Variants in CLASP1 observed in about 807,000 individuals in gnomAD.
CLASP1 encodes CLIP-associating protein 1.
A neutral mutation model predicts 192.3 loss-of-function variants in CLASP1; 38 were observed. The observed-to-expected ratio is 0.20, with a 90% confidence interval of 0.15 to 0.26. The LOEUF is 0.26. CLASP1 is among the 10% of genes least tolerant of loss of function. The probability of loss-of-function intolerance (pLI) is 1.00; values close to 1 mark genes in which losing one functional copy is unlikely to be tolerated. For missense variants in CLASP1, 1,433 were observed against 1,932.5 expected, an observed-to-expected ratio of 0.74 and a Z score of 4.85; for synonymous variants, 691 against 712.8, an observed-to-expected ratio of 0.97 and a Z score of 0.49.
chr2:121,531,248 T>C (rs1306234541), intron 2 of CLASP1, among the ~76,000 whole-genome samples: 4 of 152,138 alleles, frequency 2.6e-5, no homozygotes, highest in Non-Finnish European at 5.9e-5. Context: ...CCCAGTAGTC[T>C]AGGTCAAGTT....
intron 8 of CLASP1, among the ~76,000 whole-genome samples, chr2:121,478,979 CA>C (rs1181353599): frequency 8.3e-5 from 6 of 72,598 alleles, no homozygotes; most frequent in African/African-American, 2.8e-4. Context: ...ACACCACACA[CA>C]CACCACACAC....
chr2:121,433,841 C>T (rs1285887432), intron 19 of CLASP1, among the ~76,000 whole-genome samples: 15 of 152,236 alleles, frequency 9.9e-5, no homozygotes, highest in Admixed American at 9.8e-4. Flanking sequence ...TGTAGGTACT[C>T]TGGTCATACT....
intron 8 of CLASP1, chr2:121,490,292 T>C: frequency 2.2e-6 from 1 of 455,196 alleles, no homozygotes; most frequent in South Asian, 1.6e-5. Context: ...TAGTCATGAT[T>C]GTCAGTAATC....
intron 9 of CLASP1, among the ~76,000 whole-genome samples, chr2:121,469,009 T>C (rs1348837178): frequency 1.3e-5 from 2 of 152,166 alleles, no homozygotes; most frequent in East Asian, 1.9e-4. Context: ...ATCTTTGAGG[T>C]TGTGGTCCTT....
chr2:121,340,741 T>C, exon 40 of CLASP1: 2 of 700,116 alleles, frequency 2.9e-6, no homozygotes, highest in Non-Finnish European at 4.9e-6. Context: ...AAATACTGAT[T>C]GTAATAAATA....
At chr2:121,536,449 G>A (rs2095082273) in intron 2 of CLASP1, among the ~76,000 whole-genome samples, 1 of 151,220 alleles carries the variant, frequency 6.6e-6, no homozygotes, top group South Asian at 2.1e-4. Context: ...CCATTTCTGG[G>A]CATATACCCA....
chr2:121,441,290 G>A (rs72830804), intron 19 of CLASP1, among the ~76,000 whole-genome samples: 37 of 152,248 alleles, frequency 2.4e-4, no homozygotes, highest in Non-Finnish European at 4.6e-4. Flanking sequence ...GGACGTTTTG[G>A]CATACATATC....
chr2:121,545,763 C>G (rs758862100), intron 2 of CLASP1, among the ~76,000 whole-genome samples: 1 of 151,916 alleles, frequency 6.6e-6, no homozygotes, highest in Non-Finnish European at 1.5e-5. Context: ...AAGACACCAC[C>G]AACTTTATGA....
intron 1 of CLASP1, among the ~76,000 whole-genome samples, chr2:121,625,154 A>T (rs1034510964): frequency 3.3e-5 from 5 of 152,186 alleles, no homozygotes; most frequent in Admixed American, 2.6e-4. Context: ...GTGTTCTATA[A>T]ATGTCTGTCC....
intron 39 of CLASP1, among the ~76,000 whole-genome samples, chr2:121,342,327 A>T (rs2062882258): frequency 6.6e-6 from 1 of 152,110 alleles, no homozygotes; most frequent in African/African-American, 2.4e-5. Flanking sequence ...CATGTTGACC[A>T]GGCTAGTCTT....
intron 37 of CLASP1, among the ~76,000 whole-genome samples, chr2:121,354,991 C>T (rs1262638091): frequency 6.6e-6 from 1 of 152,088 alleles, no homozygotes; most frequent in Non-Finnish European, 1.5e-5. Context: ...CACTCTATTG[C>T]CCTTCAGGTT....
At chr2:121,377,979 T>G (rs945650033) in intron 33 of CLASP1, among the ~76,000 whole-genome samples, 2 of 152,112 alleles carry the variant, frequency 1.3e-5, no homozygotes, top group Non-Finnish European at 1.5e-5. Flanking sequence ...CTTTCTTATT[T>G]TGAAGATGGA....
At position 121,396,214 on chromosome 2, in the gene CLASP1, T is replaced by C. The variant is rs576461265; in HGVS notation, c.3123+926A>G. On this transcript the variant is annotated intron_variant, in intron 30 of 39. Transcript: ENST00000263710. ...TCCTAGAACCTGGGTATAAGTTAGG[T>C]GTGAAGGTGAGGAGTTAAGTACACC... Among the ~76,000 whole-genome samples, 9 of 152,064 alleles carry C rather than the reference T, an allele frequency of 5.9e-5. No individual in the cohort carries two copies. In the South Asian group the frequency reaches 1.9e-3, roughly 31 times the overall value.
chr2:121,397,237 A>G, exon 30 of CLASP1: 2 of 1,613,912 alleles, frequency 1.2e-6, no homozygotes, highest in East Asian at 4.5e-5. Context: ...TGTTGGATCC[A>G]TCTGTCTGGC....
At chr2:121,377,397 AAAT>A in intron 34 of CLASP1, 99 bp downstream of exon 35, 1 of 822,268 alleles carries the variant, frequency 1.2e-6, no homozygotes, top group Non-Finnish European at 1.9e-6. Context: ...TACAGGATAA[AAAT>A]AATGATGAAG....
intron 1 of CLASP1, among the ~76,000 whole-genome samples, chr2:121,631,728 T>C (rs761117649): frequency 2.6e-5 from 4 of 151,852 alleles, no homozygotes; most frequent in Non-Finnish European, 5.9e-5. Context: ...CTGGGCAACA[T>C]AGTGAGACCC....
chr2:121,571,330 C>G (rs1300311524), intron 2 of CLASP1, among the ~76,000 whole-genome samples: 1 of 152,020 alleles, frequency 6.6e-6, no homozygotes, highest in Non-Finnish European at 1.5e-5. Context: ...TGTGTGCCAC[C>G]ATGCCCAGCT....
At chr2:121,461,916 T>C (rs2149884459) in intron 10 of CLASP1, among the ~76,000 whole-genome samples, 1 of 152,242 alleles carries the variant, frequency 6.6e-6, no homozygotes, top group African/African-American at 2.4e-5. Context: ...ACCTGCTTTA[T>C]ACACATATGG....
intron 9 of CLASP1, among the ~76,000 whole-genome samples, chr2:121,465,838 A>G (rs6705278): frequency 0.04 from 6,019 of 152,288 alleles, 158 homozygotes; most frequent in East Asian, 0.14. Context: ...GATCAATGAA[A>G]CAGAACAGAG....
Sources: allele counts gnomAD v4.1 joint callset (sites outside exome capture counted in the v4.1 genomes callset), GRCh38; gene constraint gnomAD v4.1.1; transcripts MANE v1.5; gene names NCBI Gene and HGNC (gene_info 2026-07-23, HGNC 2026-07-21).